The following CSTPP1 variants were observed in gnomAD, a reference collection of about 807,000 sequenced individuals.
CSTPP1 encodes centriolar satellite-associated tubulin polyglutamylase complex regulator 1.
the CSTPP1 span, among the ~76,000 whole-genome samples, chr11:47,001,412 A>G: frequency 1.3e-5 from 2 of 152,238 alleles, no homozygotes; most frequent in Non-Finnish European, 2.9e-5. Flanking sequence ...ATACATGTTA[A>G]TCATCAGAAT....
At chr11:46,978,414 A>G in the CSTPP1 span, among the ~76,000 whole-genome samples, 3 of 152,346 alleles carry the variant, frequency 2.0e-5, no homozygotes, top group South Asian at 2.1e-4. Context: ...CCTAAAAGTG[A>G]TGAGTCAAAA....
At chr11:47,159,883 A>G in the CSTPP1 span, 3 of 355,716 alleles carry the variant, frequency 8.4e-6, no homozygotes, top group South Asian at 6.3e-5. Flanking sequence ...ACATGCCTGT[A>G]ATTCCTGCTA....
At chr11:47,140,426 T>C in the CSTPP1 span, among the ~76,000 whole-genome samples, 1 of 152,138 alleles carries the variant, frequency 6.6e-6, no homozygotes, top group Non-Finnish European at 1.5e-5. Context: ...TTTTGTTTGT[T>C]TGTTTGTTTT....
the CSTPP1 span, among the ~76,000 whole-genome samples, chr11:47,102,127 A>G: frequency 6.6e-6 from 1 of 152,152 alleles, no homozygotes; most frequent in Non-Finnish European, 1.5e-5. Flanking sequence ...TTAACAATCT[A>G]TTACCTCTCT....
At chr11:47,125,721 G>T in the CSTPP1 span, among the ~76,000 whole-genome samples, 1 of 152,074 alleles carries the variant, frequency 6.6e-6, no homozygotes, top group African/African-American at 2.4e-5. Context: ...AAATTGCAAA[G>T]AAAAAGGTAG....
chr11:47,116,410 G>A, the CSTPP1 span, among the ~76,000 whole-genome samples: 1 of 152,256 alleles, frequency 6.6e-6, no homozygotes, highest in South Asian at 2.1e-4. Context: ...AATATTGACA[G>A]TGGGGTGTTA....
the CSTPP1 span, among the ~76,000 whole-genome samples, chr11:47,043,806 A>T: frequency 1.3e-5 from 2 of 152,250 alleles, no homozygotes; most frequent in African/African-American, 4.8e-5. Flanking sequence ...AGCCTGGGCA[A>T]CATGGCGAAA....
the CSTPP1 span, among the ~76,000 whole-genome samples, chr11:46,949,669 C>CT: frequency 0.33 from 47,026 of 142,016 alleles, 9,381 homozygotes; most frequent in Non-Finnish European, 0.44. Context: ...GAGAAAATAA[C>CT]TTTTTTTTTT....
chr11:47,140,799 T>C, the CSTPP1 span, among the ~76,000 whole-genome samples: 1 of 151,234 alleles, frequency 6.6e-6, no homozygotes, highest in African/African-American at 2.4e-5. Context: ...AAACTCAGCA[T>C]CCTTAAAGAC....
At chr11:47,039,746 C>T in the CSTPP1 span, among the ~76,000 whole-genome samples, 98 of 127,818 alleles carry the variant, frequency 7.7e-4, 9 homozygotes, top group African/African-American at 2.3e-3. Flanking sequence ...GGCTGAGGCA[C>T]GAGAATGGCA....
At chr11:46,948,452 G>C in the CSTPP1 span, among the ~76,000 whole-genome samples, 1 of 152,206 alleles carries the variant, frequency 6.6e-6, no homozygotes, top group Non-Finnish European at 1.5e-5. Flanking sequence ...ATTCTGCCTG[G>C]AGGAAATTGC....
chr11:46,937,155 G>T, the CSTPP1 span, among the ~76,000 whole-genome samples: 2 of 152,194 alleles, frequency 1.3e-5, no homozygotes, highest in African/African-American at 4.8e-5. Context: ...GCTGGTAGTG[G>T]AGTAAGAATA....
chr11:46,972,084 A>G, the CSTPP1 span, among the ~76,000 whole-genome samples: 1 of 152,070 alleles, frequency 6.6e-6, no homozygotes, highest in Admixed American at 6.5e-5. Flanking sequence ...TCAGTTTAAC[A>G]TTTTTCTTCA....
the CSTPP1 span, among the ~76,000 whole-genome samples, chr11:47,119,602 C>CTTT: frequency 6.5e-5 from 4 of 61,876 alleles, no homozygotes; most frequent in Admixed American, 4.2e-4. Context: ...CTGCCCACTT[C>CTTT]TTTTTTTTTT....
chr11:47,153,079 C>A, the CSTPP1 span, among the ~76,000 whole-genome samples: 1 of 152,162 alleles, frequency 6.6e-6, no homozygotes, highest in East Asian at 1.9e-4. Flanking sequence ...CTTTGCTAAC[C>A]CCAGTCCTCT....
chr11:46,996,308 TTA>T, the CSTPP1 span, among the ~76,000 whole-genome samples: 1 of 106,986 alleles, frequency 9.3e-6, no homozygotes, highest in African/African-American at 5.0e-5. Flanking sequence ...TTATTTTATT[TTA>T]TTTTTTTTTT....
chr11:47,052,377 T>TCC, the CSTPP1 span: 1 of 1,609,318 alleles, frequency 6.2e-7, no homozygotes, highest in African/African-American at 1.3e-5. Flanking sequence ...TCTTGACTTT[T>TCC]CTCTTTGCAG....
chr11:47,121,710 G>A, the CSTPP1 span, among the ~76,000 whole-genome samples: 4 of 151,990 alleles, frequency 2.6e-5, no homozygotes, highest in African/African-American at 7.3e-5. Context: ...CTGCCCTTCC[G>A]CTCTGCCACA....
At chr11:46,963,707 C>T in the CSTPP1 span, among the ~76,000 whole-genome samples, 1 of 151,446 alleles carries the variant, frequency 6.6e-6, no homozygotes, top group Non-Finnish European at 1.5e-5. Context: ...ATCGTTTGAA[C>T]CCTGGAGATA....
Sources: gnomAD v4.1 joint callset for allele counts (sites outside exome capture counted in the v4.1 genomes callset) on GRCh38, gnomAD v4.1.1 for gene constraint, MANE v1.5 for transcripts, NCBI Gene and HGNC (gene_info 2026-07-23, HGNC 2026-07-21) for gene names.